Variants in ARHGAP22 observed in about 807,000 individuals in gnomAD.
ARHGAP22 encodes rho GTPase-activating protein 22.
ARHGAP22 carries 48 observed loss-of-function variants against 59.1 expected under a neutral mutation model. The observed-to-expected ratio is 0.81, with a 90% confidence interval of 0.64 to 1.03. The LOEUF (loss-of-function observed/expected upper bound fraction) is 1.03. Among genes scored for constraint, ARHGAP22 ranks in the 50% least tolerant of loss-of-function variants. ARHGAP22 has a pLI of 0.00. For missense variants in ARHGAP22, 1,015 were observed against 958.7 expected, an observed-to-expected ratio of 1.06 and a Z score of -0.78; for synonymous variants, 445 against 416.4, an observed-to-expected ratio of 1.07 and a Z score of -0.84.
At chr10:48,552,043 C>G (rs1439244175) in intron 3 of ARHGAP22, among the ~76,000 whole-genome samples, 1 of 152,376 alleles carries the variant, frequency 6.6e-6, no homozygotes, top group East Asian at 1.9e-4. Flanking sequence ...AGATGGCACT[C>G]ACAGTATAAT....
intron 3 of ARHGAP22, among the ~76,000 whole-genome samples, chr10:48,551,663 C>T (rs1838571): frequency 0.47 from 71,172 of 152,122 alleles, 17,705 homozygotes; most frequent in East Asian, 0.97. Context: ...CTGACCATGT[C>T]GGGAAAGCAG....
rs146558691 is a variant in ARHGAP22 at position 48,591,347 on chromosome 10, G to A, written c.35-8195C>T. Among the ~76,000 whole-genome samples the A allele has an allele frequency of 7.2e-5, 11 of 152,310 alleles. No homozygotes were observed. In the South Asian group the frequency reaches 8.3e-4, roughly 11 times the overall value. On this transcript the variant is annotated intron_variant, in intron 1 of 9. Coordinates refer to ENST00000249601, the MANE Select transcript of ARHGAP22 (RefSeq NM_021226.4). ...GGACTGTGCAACGCGAAGTCACCCC[G>A]AGGCACAGGGCCAGCAGAGGAGGAA...
the ARHGAP22 span, chr10:48,437,955 T>C: frequency 6.6e-6 from 1 of 152,258 alleles, no homozygotes; most frequent in African/African-American, 2.4e-5. Context: ...AGTGAAATCA[T>C]CAGCAGGAAA....
downstream of ARHGAP22, chr10:48,445,212 T>G (rs1021526929): frequency 1.3e-5 from 2 of 152,266 alleles, no homozygotes; most frequent in African/African-American, 4.8e-5. Context: ...TGACTCTAGA[T>G]GGAGCTCGTT....
At chr10:48,586,890 C>G (rs2059457650) in intron 1 of ARHGAP22, among the ~76,000 whole-genome samples, 1 of 152,122 alleles carries the variant, frequency 6.6e-6, no homozygotes. Flanking sequence ...TCCTGGAGAC[C>G]CAGAGCTACT....
chr10:48,522,606 G>A (rs919156733), intron 3 of ARHGAP22, among the ~76,000 whole-genome samples: 3 of 152,190 alleles, frequency 2.0e-5, no homozygotes, highest in Non-Finnish European at 4.4e-5. Context: ...GTGAAATCCT[G>A]GGCTCTGACC....
intron 2 of ARHGAP22, among the ~76,000 whole-genome samples, chr10:48,566,391 C>T (rs1049321607): frequency 6.6e-6 from 1 of 152,164 alleles, no homozygotes; most frequent in Non-Finnish European, 1.5e-5. Context: ...AAGCATCCTC[C>T]TTGCTTCCTT....
intron 3 of ARHGAP22, among the ~76,000 whole-genome samples, chr10:48,502,544 C>T (rs138301354): frequency 9.4e-4 from 143 of 152,284 alleles, no homozygotes; most frequent in African/African-American, 3.3e-3. Flanking sequence ...CCCATCTCAC[C>T]GGACACTCCA....
chr10:48,576,335 C>T (rs2058710268), intron 2 of ARHGAP22, among the ~76,000 whole-genome samples: 1 of 152,278 alleles, frequency 6.6e-6, no homozygotes, highest in Non-Finnish European at 1.5e-5. Context: ...CCTCCCCATT[C>T]TCCTCCTGGT....
At chr10:48,604,004 C>T (rs770060029) in intron 1 of ARHGAP22, among the ~76,000 whole-genome samples, 3 of 152,236 alleles carry the variant, frequency 2.0e-5, no homozygotes, top group Non-Finnish European at 4.4e-5. Context: ...CCTGAAAAGA[C>T]ACATTCTATT....
At chr10:48,643,764 A>AATATAT (rs34206353) in intron 1 of ARHGAP22, among the ~76,000 whole-genome samples, 2 of 144,272 alleles carry the variant, frequency 1.4e-5, no homozygotes, top group African/African-American at 5.2e-5. Flanking sequence ...AAAAAAAAAA[A>AATATAT]ATATATATAT....
At chr10:48,482,941 A>G (rs1304118662) in intron 3 of ARHGAP22, among the ~76,000 whole-genome samples, 2 of 150,598 alleles carry the variant, frequency 1.3e-5, no homozygotes, top group African/African-American at 4.9e-5. Context: ...TCTCTGCTTG[A>G]CTCTTCTCAG....
intron 5 of ARHGAP22, among the ~76,000 whole-genome samples, chr10:48,457,129 C>T (rs2046611569): frequency 6.6e-6 from 1 of 152,152 alleles, no homozygotes; most frequent in Non-Finnish European, 1.5e-5. Flanking sequence ...CAAGGTGACC[C>T]TCCATCTGCA....
intron 3 of ARHGAP22, among the ~76,000 whole-genome samples, chr10:48,486,722 A>G (rs1349704502): frequency 6.6e-6 from 1 of 151,784 alleles, no homozygotes; most frequent in Non-Finnish European, 1.5e-5. Flanking sequence ...TCAGATTCCC[A>G]TATGGTATTA....
At chr10:48,556,069 A>C (rs890369588) in intron 2 of ARHGAP22, among the ~76,000 whole-genome samples, 1 of 152,150 alleles carries the variant, frequency 6.6e-6, no homozygotes, top group African/African-American at 2.4e-5. Flanking sequence ...AGAGAGTGCC[A>C]GGTGCCTGGG....
At chr10:48,588,115 C>T (rs545294695) in intron 1 of ARHGAP22, among the ~76,000 whole-genome samples, 1 of 152,212 alleles carries the variant, frequency 6.6e-6, no homozygotes, top group Non-Finnish European at 1.5e-5. Flanking sequence ...TGCCCTGATG[C>T]CCAAGGCCCA....
At chr10:48,479,816 T>G (rs755929997) in intron 3 of ARHGAP22, 52 bp from the exon 4 acceptor site, 1 of 1,481,762 alleles carries the variant, frequency 6.7e-7, no homozygotes, top group South Asian at 1.4e-5. Context: ...CGCAGCACAC[T>G]CTCCACCGCC....
upstream of ARHGAP22, among the ~76,000 whole-genome samples, chr10:48,607,050 A>T (rs1296999154): frequency 1.3e-5 from 2 of 152,088 alleles, no homozygotes; most frequent in Admixed American, 6.5e-5. Flanking sequence ...AGAAAATCTC[A>T]TGTCGACACC....
chr10:48,517,094 T>A (rs2053359353), intron 3 of ARHGAP22, among the ~76,000 whole-genome samples: 2 of 152,218 alleles, frequency 1.3e-5, no homozygotes, highest in African/African-American at 2.4e-5. Context: ...GTTTCTGGAA[T>A]GAGACATGAC....
Sources: gnomAD v4.1 joint callset for allele counts (sites outside exome capture counted in the v4.1 genomes callset) on GRCh38, gnomAD v4.1.1 for gene constraint, MANE v1.5 for transcripts, NCBI Gene and HGNC (gene_info 2026-07-23, HGNC 2026-07-21) for gene names.